The following EPHA3 variants were observed in gnomAD, a reference collection of about 807,000 sequenced individuals.
EPHA3 encodes the protein ephrin type-A receptor 3.
In EPHA3, 42 loss-of-function variants were observed where a neutral mutation model predicts 107.1. The ratio of observed to expected loss-of-function variants is 0.39; its 90% CI spans 0.31 to 0.51. The LOEUF (loss-of-function observed/expected upper bound fraction) is 0.51, where lower values mean the gene tolerates loss of function less well. Ranked by LOEUF, EPHA3 falls within the 20% of genes least tolerant of loss-of-function variation. The pLI is 0.78. For synonymous variants in EPHA3, 461 were observed against 424.8 expected (o/e 1.09, Z -1.05); for missense variants, 1,183 against 1,211.2 (o/e 0.98, Z 0.35).
chr3:89,232,899 G>A (rs914357167), intron 3 of EPHA3, among the ~76,000 whole-genome samples: 2 of 152,048 alleles, frequency 1.3e-5, no homozygotes, highest in Non-Finnish European at 2.9e-5. Flanking sequence ...CAATTTTATT[G>A]AACCGTAGCT....
intron 7 of EPHA3, among the ~76,000 whole-genome samples, chr3:89,405,750 T>G (rs6551411): frequency 0.036 from 5,525 of 152,226 alleles, 349 homozygotes; most frequent in African/African-American, 0.12. Context: ...GAGGTATTCA[T>G]GTACTTAATC....
Position 89,460,858 on chromosome 3 carries a change from G to C in EPHA3, c.2690+10488G>C, listed in dbSNP as rs1357015819. 6.4e-5 allele frequency among the ~76,000 whole-genome samples: 8 copies of C among 124,464 alleles called. No individual in the cohort carries two copies. The East Asian group carries it at 1.7e-3, about 27-fold the overall frequency. The allele number at this position is 124,464 out of a possible 152,430, so 81.7% of individuals were successfully genotyped here. The stretch of plus-strand genomic sequence containing the variant: ...TTTTTTATTATACTCTAAGTTTTAG[G>C]GTACATGTGCACATTGTGCAGGTTA... On this transcript the variant is annotated intron_variant, in intron 15 of 16. Coordinates refer to ENST00000336596, the MANE Select transcript of EPHA3 (RefSeq NM_005233.6).
chr3:89,313,739 A>T (rs1418684389), intron 3 of EPHA3, among the ~76,000 whole-genome samples: 1 of 151,936 alleles, frequency 6.6e-6, no homozygotes, highest in Non-Finnish European at 1.5e-5. Context: ...AAACAATTTG[A>T]AAAGAGATAT....
intron 5 of EPHA3, among the ~76,000 whole-genome samples, chr3:89,354,659 T>C (rs767598494): frequency 4.0e-5 from 6 of 151,186 alleles, no homozygotes; most frequent in Non-Finnish European, 7.4e-5. Context: ...GAGAAGTTCA[T>C]ATTTTCTGCT....
chr3:89,412,772 A>T (rs1709179508), intron 9 of EPHA3, among the ~76,000 whole-genome samples: 1 of 151,786 alleles, frequency 6.6e-6, no homozygotes, highest in Non-Finnish European at 1.5e-5. Flanking sequence ...GTGTAATCAT[A>T]AATATGCAAT....
chr3:89,149,489 T>A (rs529825782), intron 2 of EPHA3, among the ~76,000 whole-genome samples: 18 of 152,096 alleles, frequency 1.2e-4, no homozygotes, highest in East Asian at 5.8e-4. Flanking sequence ...ATAATCTTTT[T>A]TTATTATTAT....
intron 3 of EPHA3, among the ~76,000 whole-genome samples, chr3:89,215,030 C>T (rs531564558): frequency 1.3e-5 from 2 of 151,790 alleles, no homozygotes; most frequent in Admixed American, 6.6e-5. Flanking sequence ...TAAATAATGC[C>T]CTTGCCTTGA....
intron 6 of EPHA3, among the ~76,000 whole-genome samples, chr3:89,398,097 T>C (rs1708886346): frequency 1.3e-5 from 2 of 152,208 alleles, no homozygotes; most frequent in African/African-American, 2.4e-5. Flanking sequence ...GGATTTAAGG[T>C]CCACAAGGTC....
chr3:89,146,394 T>C lies in EPHA3; in HGVS notation c.153+19121T>C, dbSNP rs190508636. On this transcript the variant is annotated intron_variant, in intron 2 of 16. Transcript: ENST00000336596. ...CATAAAGTATTTCTCTAATGACAAC[T>C]GATGATGAGCTTTTATTCATATATT... Among the ~76,000 whole-genome samples, 8 of 152,128 alleles carry C rather than the reference T, an allele frequency of 5.3e-5. No individual in the cohort carries two copies. In the East Asian group the frequency reaches 1.6e-3, roughly 30 times the overall value.
chr3:89,171,516 G>A (rs1705209375), intron 2 of EPHA3, among the ~76,000 whole-genome samples: 1 of 152,290 alleles, frequency 6.6e-6, no homozygotes, highest in East Asian at 1.9e-4. Context: ...GTCGTGGGAA[G>A]TAATTTTACA....
At chr3:89,132,178 G>A (rs1272454747) in intron 2 of EPHA3, among the ~76,000 whole-genome samples, 1 of 152,132 alleles carries the variant, frequency 6.6e-6, no homozygotes, top group Non-Finnish European at 1.5e-5. Flanking sequence ...GTCTGCAGCA[G>A]CTGCATTTCT....
intron 3 of EPHA3, among the ~76,000 whole-genome samples, chr3:89,239,706 A>C (rs2107241259): frequency 6.6e-6 from 1 of 152,266 alleles, no homozygotes; most frequent in South Asian, 2.1e-4. Context: ...AAAAGAACAT[A>C]ATTTCTCAAA....
chr3:89,242,274 T>TA (rs1320627417), intron 3 of EPHA3, among the ~76,000 whole-genome samples: 8 of 152,214 alleles, frequency 5.3e-5, no homozygotes, highest in Admixed American at 3.3e-4. Context: ...CCATTTCCAT[T>TA]AAAAATAATT....
chr3:89,245,578 G>T (rs1705012301), intron 3 of EPHA3, among the ~76,000 whole-genome samples: 1 of 152,186 alleles, frequency 6.6e-6, no homozygotes, highest in Non-Finnish European at 1.5e-5. Context: ...GATTGTTCTG[G>T]TGAGATAGAG....
rs56370135 is a variant in EPHA3, at chr3:89,422,192, A to AACACAC, written c.2074+2838_2074+2843dup. On this transcript the variant is annotated intron_variant, in intron 11 of 16. Transcript: ENST00000336596. ...ACAATAAAGTTGATATGTTGTATTT[A>AACACAC]ACACACACACACACACACACACACA... 7.0e-3 allele frequency among the ~76,000 whole-genome samples: 977 copies of AACACAC among 140,542 alleles called. 12 individuals are homozygous for AACACAC. Among genetic ancestry groups the AACACAC allele is most frequent in the Middle Eastern group, 7.1e-3 (2 of 282 alleles). The allele number at this position is 140,542 out of a possible 152,430, so 92.2% of individuals were successfully genotyped here.
chr3:89,372,304 A>G (rs536504569), intron 5 of EPHA3, among the ~76,000 whole-genome samples: 1 of 151,736 alleles, frequency 6.6e-6, no homozygotes, highest in African/African-American at 2.4e-5. Flanking sequence ...ATACAAATTT[A>G]AGGCTTAAAG....
chr3:89,397,580 CTTTTTTTTT>C (rs35334618), intron 6 of EPHA3, among the ~76,000 whole-genome samples: 1 of 131,112 alleles, frequency 7.6e-6, no homozygotes, highest in African/African-American at 2.9e-5. Flanking sequence ...GCATCATTGC[CTTTTTTTTT>C]TTTTTTTTTT....
At chr3:89,112,355 C>T (rs937067378) in intron 1 of EPHA3, among the ~76,000 whole-genome samples, 1 of 152,030 alleles carries the variant, frequency 6.6e-6, no homozygotes, top group Non-Finnish European at 1.5e-5. Context: ...AGTAATCTCA[C>T]GTTGCTCTTA....
At chr3:89,455,222 C>T (rs1350330015) in intron 15 of EPHA3, among the ~76,000 whole-genome samples, 12 of 152,026 alleles carry the variant, frequency 7.9e-5, no homozygotes, top group Admixed American at 2.6e-4. Flanking sequence ...AGTAAATGGC[C>T]GTGATGGGCG....
Sources: allele counts gnomAD v4.1 joint callset (sites outside exome capture counted in the v4.1 genomes callset), GRCh38; gene constraint gnomAD v4.1.1; transcripts MANE v1.5; gene names NCBI Gene and HGNC (gene_info 2026-07-23, HGNC 2026-07-21).